Variants in RAB27B observed in about 807,000 individuals in gnomAD.
RAB27B encodes the protein ras-related protein Rab-27B.
A neutral mutation model predicts 24.6 loss-of-function variants in RAB27B; 15 were observed. The ratio of observed to expected loss-of-function variants is 0.61; its 90% confidence interval spans 0.41 to 0.94. The LOEUF (loss-of-function observed/expected upper bound fraction) is 0.94, where lower values mean the gene tolerates loss of function less well. Among genes scored for constraint, RAB27B ranks in the 40% least tolerant of loss-of-function variants. The pLI, the probability that RAB27B is intolerant of heterozygous loss-of-function variation, is 0.00. For synonymous variants in RAB27B, 105 were observed against 92.5 expected, an observed-to-expected ratio of 1.14 and a Z score of -0.78; for missense variants, 261 against 266.8, an observed-to-expected ratio of 0.98 and a Z score of 0.15.
intron 2 of RAB27B, among the ~76,000 whole-genome samples, chr18:54,768,776 C>A (rs1908447460): frequency 6.6e-6 from 1 of 152,024 alleles, no homozygotes. Context: ...GAAGTGAGTA[C>A]AACGGGGGAA....
intron 2 of RAB27B, among the ~76,000 whole-genome samples, chr18:54,783,169 G>T (rs1191586631): frequency 2.0e-5 from 3 of 151,920 alleles, no homozygotes; most frequent in Non-Finnish European, 2.9e-5. Context: ...GTTTCACCAT[G>T]TTGGCCAGGC....
Position 54,888,121 on chromosome 18 carries a change from A to C in RAB27B, c.467+3A>C, listed in dbSNP as rs1913221277. 6.2e-7 allele frequency: 1 copy of C among 1,612,500 alleles called. No homozygotes were observed. The highest frequency in any genetic ancestry group is 1.7e-5 in the Admixed American group (1 of 59,936). On this transcript the variant is annotated splice_donor_region_variant and intron_variant, in intron 5 of 5. Coordinates refer to ENST00000262094, the MANE Select transcript of RAB27B (RefSeq NM_004163.4). ...CGGGAACTGGCTGACAAATATGGGT[A>C]AGTCAGTTACACTGAGATGGCATGT... is the stretch of plus-strand genomic sequence containing the variant.
chr18:54,845,858 T>A (rs564583516), intron 1 of RAB27B, among the ~76,000 whole-genome samples: 1 of 152,346 alleles, frequency 6.6e-6, no homozygotes, highest in African/African-American at 2.4e-5. Context: ...GCCTGCTTAA[T>A]AACATTTATT....
chr18:54,822,192 C>A (rs1448993298), intron 2 of RAB27B, among the ~76,000 whole-genome samples: 6 of 152,240 alleles, frequency 3.9e-5, no homozygotes, highest in African/African-American at 1.2e-4. Context: ...AGGAAACAAT[C>A]ATCAAATTAA....
At chr18:54,886,040 G>GCCTCCCACTAGGCCCCA (rs1408946502) in intron 4 of RAB27B, 2 of 152,110 alleles carry the variant, frequency 1.3e-5, no homozygotes, top group African/African-American at 4.8e-5. Flanking sequence ...GGATCCAGTT[G>GCCTCCCACTAGGCCCCA]CCTCCCACTA....
intron 1 of RAB27B, among the ~76,000 whole-genome samples, chr18:54,843,756 T>C (rs966357553): frequency 6.6e-6 from 1 of 152,258 alleles, no homozygotes; most frequent in African/African-American, 2.4e-5. Flanking sequence ...ATTATTTCTA[T>C]TCTTCTAAAA....
At chr18:54,851,466 C>CT (rs1160793889) in intron 1 of RAB27B, among the ~76,000 whole-genome samples, 6 of 151,950 alleles carry the variant, frequency 3.9e-5, no homozygotes, top group Non-Finnish European at 5.9e-5. Flanking sequence ...ATTCTTTTCC[C>CT]TTTTTTTGCA....
At chr18:54,846,248 T>C (rs1911332687) in intron 1 of RAB27B, among the ~76,000 whole-genome samples, 1 of 152,208 alleles carries the variant, frequency 6.6e-6, no homozygotes, top group Non-Finnish European at 1.5e-5. Context: ...ATCAACTATA[T>C]ATTATATAAG....
chr18:54,845,750 A>C (rs1911311458), intron 1 of RAB27B, among the ~76,000 whole-genome samples: 1 of 152,176 alleles, frequency 6.6e-6, no homozygotes, highest in Admixed American at 6.5e-5. Flanking sequence ...CTGCTATTCT[A>C]ATTGTTGTAA....
Position 54,877,565 on chromosome 18 carries a change from AGACC to A in RAB27B, c.-16_-13del, listed in dbSNP as rs1912752636. On this transcript the variant is annotated splice_acceptor_variant and 5_prime_UTR_variant, in exon 2 of 6. Coordinates refer to ENST00000262094, the MANE Select transcript of RAB27B (RefSeq NM_004163.4). LOFTEE classifies it low-confidence loss of function (5UTR_SPLICE). ...CATACTTGTTTTCCCTCTCCTATAC[AGACC>A]GACCAAGACCATCACTATGACCGAT... The A allele has an allele frequency of 2.0e-6, 3 of 1,497,494 alleles. No homozygotes were observed. The highest frequency in any genetic ancestry group is 1.8e-6 in the Non-Finnish European group (2 of 1,131,124). 92.8% of individuals were successfully genotyped at this position (1,497,494 alleles called of 1,614,324 possible).
At chr18:54,839,005 A>G (rs1372892271) in intron 1 of RAB27B, among the ~76,000 whole-genome samples, 1 of 152,152 alleles carries the variant, frequency 6.6e-6, no homozygotes, top group Non-Finnish European at 1.5e-5. Context: ...CTTATATGAG[A>G]CAGTAATAAT....
chr18:54,822,351 T>C (rs751674899), intron 2 of RAB27B, among the ~76,000 whole-genome samples: 7 of 152,190 alleles, frequency 4.6e-5, no homozygotes, highest in Middle Eastern at 6.3e-3. Flanking sequence ...TTCCTGAATA[T>C]ATGACATCAC....
In RAB27B at chr18:54,889,258, C is replaced by G; in HGVS notation, c.502C>G (p.Gln168Glu). ...TTTTGAAACAAGTGCAGCAACTGGA[C>G]AGAATGTGGAGAAAGCTGTAGAAAC... Reference protein sequence around the residue: ...PYFETSAATGQNVEKAVETLL... With the variant: ...PYFETSAATGENVEKAVETLL... Residue 168 changes from glutamine to glutamate, a missense_variant, in exon 6 of 6, where the codon CAG becomes GAG. Transcript: ENST00000262094. The G allele has an allele frequency of 6.2e-7, 1 of 1,611,312 alleles. No homozygotes were observed. The highest frequency in any genetic ancestry group is 1.1e-5 in the South Asian group (1 of 90,482).
chr18:54,792,161 A>C (rs1909268530), intron 2 of RAB27B, among the ~76,000 whole-genome samples: 12 of 152,144 alleles, frequency 7.9e-5, no homozygotes. Context: ...ACACATGCCC[A>C]CTGGGTCTTC....
intron 1 of RAB27B, among the ~76,000 whole-genome samples, chr18:54,848,343 G>T (rs1240345148): frequency 1.3e-5 from 2 of 152,248 alleles, no homozygotes; most frequent in African/African-American, 4.8e-5. Flanking sequence ...TTGCACTATA[G>T]AGATTTTTAT....
chr18:54,889,914 A>G lies in RAB27B; in HGVS notation c.*501A>G, dbSNP rs536676940. 6.5e-6 allele frequency: 1 copy of G among 153,146 alleles called. No homozygotes were observed. The highest frequency in any genetic ancestry group is 2.1e-4 in the South Asian group (1 of 4,870). The allele number at this position is 153,146 out of a possible 1,614,324, so 9.5% of individuals were successfully genotyped here. On this transcript the variant is annotated 3_prime_UTR_variant, in exon 6 of 6. Transcript: ENST00000262094. ...AATGAAGAATTCTATTTGGCTAATT[A>G]AGAATGATATACTATGTACACCCAA...
upstream of RAB27B, among the ~76,000 whole-genome samples, chr18:54,827,222 C>T (rs994617607): frequency 6.6e-6 from 1 of 152,184 alleles, no homozygotes; most frequent in African/African-American, 2.4e-5. Context: ...GGAACTGGAT[C>T]TTACTTGGGG....
chr18:54,805,517 G>A lies in RAB27B; in HGVS notation c.-19-72050G>A, dbSNP rs141437168. Among the ~76,000 whole-genome samples, 23 of 152,284 alleles carry A rather than the reference G, an allele frequency of 1.5e-4. 1 individual carries two copies. The East Asian group carries it at 4.0e-3, about 27-fold the overall frequency. ...AAAACAATGTTCACAACAATAAATG[G>A]TGGTAATTTTCTCTATATACTTAGA... On this transcript the variant is annotated intron_variant, in intron 2 of 4. Coordinates refer to the RAB27B transcript ENST00000586570.
chr18:54,752,771 A>G (rs1185021043), intron 2 of RAB27B, among the ~76,000 whole-genome samples: 2 of 152,172 alleles, frequency 1.3e-5, no homozygotes, highest in African/African-American at 2.4e-5. Context: ...TGGCCATTCT[A>G]CAGGGCATTC....
Sources: gnomAD v4.1 joint callset for allele counts (sites outside exome capture counted in the v4.1 genomes callset) on GRCh38, gnomAD v4.1.1 for gene constraint, MANE v1.5 for transcripts, NCBI Gene and HGNC (gene_info 2026-07-23, HGNC 2026-07-21) for gene names.